The following ARMC9 variants were observed in gnomAD, a reference collection of about 807,000 sequenced individuals.
ARMC9 encodes the protein armadillo repeat containing 9, also known as lisH domain-containing protein ARMC9.
In ARMC9, 94 loss-of-function variants were observed where a neutral mutation model predicts 107.0. The observed-to-expected ratio is 0.88, with a 90% CI of 0.74 to 1.04. The LOEUF (loss-of-function observed/expected upper bound fraction) is 1.04, where lower values mean the gene tolerates loss of function less well. Ranked by LOEUF, ARMC9 falls within the 50% of genes least tolerant of loss-of-function variation. The pLI is 0.00. For missense variants in ARMC9, 942 were observed against 1,030.1 expected, an observed-to-expected ratio of 0.91 and a Z score of 1.17; for synonymous variants, 380 against 396.9, an observed-to-expected ratio of 0.96 and a Z score of 0.51.
intron 17 of ARMC9, chr2:231,288,773 G>C: frequency 2.1e-6 from 1 of 469,294 alleles, no homozygotes; most frequent in South Asian, 1.6e-5. Context: ...ACGCACCGTG[G>C]TTTGACTCCA....
Position 231,272,949 on chromosome 2 carries a change from T to A in ARMC9, c.1211-6T>A, listed in dbSNP as rs760921275. The A allele has an allele frequency of 6.2e-7, 1 of 1,611,664 alleles. No homozygotes were observed. The highest frequency in any genetic ancestry group is 1.3e-5 in the African/African-American group (1 of 74,848). On this transcript the variant is annotated splice_polypyrimidine_tract_variant and splice_region_variant and intron_variant, in intron 13 of 24. Transcript: ENST00000611582. ...TTCACCTGTTTCATCTCTGGTGTATTATCAGGTCGCCTCTACCTTGCCCAG... is the reference window on the plus strand; with the variant it reads ...TTCACCTGTTTCATCTCTGGTGTATAATCAGGTCGCCTCTACCTTGCCCAG...
intron 19 of ARMC9, among the ~76,000 whole-genome samples, chr2:231,307,942 A>G (rs1306579109): frequency 2.6e-5 from 4 of 152,254 alleles, no homozygotes; most frequent in Admixed American, 6.5e-5. Context: ...GCTGAGGAGC[A>G]GCAGGAGCCA....
At chr2:231,233,543 G>A (rs917091091) in intron 7 of ARMC9, among the ~76,000 whole-genome samples, 6 of 152,062 alleles carry the variant, frequency 3.9e-5, no homozygotes, top group Admixed American at 3.9e-4. Context: ...TTGGGGGGCC[G>A]AGGCAGGTGG....
chr2:231,356,313 C>T (rs1374756377), intron 22 of ARMC9, among the ~76,000 whole-genome samples: 1 of 152,024 alleles, frequency 6.6e-6, no homozygotes, highest in Non-Finnish European at 1.5e-5. Context: ...GAAGGCTGGA[C>T]GGAGGCAGAA....
rs78453237 is a variant in ARMC9, at chr2:231,326,025, C to T, written c.1774-5768C>T. On this transcript the variant is annotated intron_variant, in intron 19 of 24. Transcript: ENST00000611582. The stretch of plus-strand genomic sequence containing the variant: ...GGAGAGAGAGGGACGAGACCCTGAA[C>T]TTCAGATGCCACTATAGCCCTCCCT... 2.0e-3 allele frequency among the ~76,000 whole-genome samples: 310 copies of T among 152,286 alleles called. 1 individual carries two copies. Among genetic ancestry groups the T allele is most frequent in the African/African-American group, 6.9e-3 (288 of 41,562 alleles).
Position 231,216,724 on chromosome 2 carries a change from T to G in ARMC9, c.435T>G (p.Phe145Leu). 1 of 1,614,070 alleles carries G rather than the reference T, an allele frequency of 6.2e-7. No homozygotes were observed. Among genetic ancestry groups the G allele is most frequent in the East Asian group, 2.2e-5 (1 of 44,882 alleles). ...KGAALSQTTE[F>L]LPFYALPFVP... is the part of the protein sequence containing the mutation. The stretch of plus-strand genomic sequence containing the variant: ...CAGCCTTGAGCCAGACCACAGAGTT[T>G]CTTCCTTTCTATGCCCTTCCTTTTG... Residue 145 changes from phenylalanine (F) to leucine (L), a missense_variant, in exon 5 of 25, where the codon TTT becomes TTG. Transcript: ENST00000611582.
At chr2:231,240,242 A>C (rs1411464059) in intron 9 of ARMC9, 2 of 588,584 alleles carry the variant, frequency 3.4e-6, no homozygotes, top group Non-Finnish European at 6.0e-6. Flanking sequence ...AGGGAGGGTG[A>C]GGAGAGAGGC....
chr2:231,217,077 AC>A (rs1361111321), intron 5 of ARMC9, among the ~76,000 whole-genome samples: 1 of 152,188 alleles, frequency 6.6e-6, no homozygotes, highest in Admixed American at 6.5e-5. Context: ...ACTAGGAACA[AC>A]CCAATTGTAC....
chr2:231,348,132 G>T (rs778214920), intron 21 of ARMC9, among the ~76,000 whole-genome samples: 1 of 152,196 alleles, frequency 6.6e-6, no homozygotes, highest in Non-Finnish European at 1.5e-5. Context: ...TGGCAAAAAG[G>T]ACTTTGCTGA....
chr2:231,320,363 C>T (rs1047897788), intron 19 of ARMC9, among the ~76,000 whole-genome samples: 7 of 152,152 alleles, frequency 4.6e-5, no homozygotes, highest in South Asian at 2.1e-4. Flanking sequence ...TCACATGATG[C>T]CTTTTAAAAC....
intron 17 of ARMC9, among the ~76,000 whole-genome samples, chr2:231,282,498 G>T (rs767326326): frequency 8.5e-5 from 13 of 152,160 alleles, no homozygotes; most frequent in Non-Finnish European, 1.5e-4. Flanking sequence ...GTACGTTAAC[G>T]CTTGTATGTG....
chr2:231,331,322 T>C (rs901003137), intron 19 of ARMC9, among the ~76,000 whole-genome samples: 2 of 152,236 alleles, frequency 1.3e-5, no homozygotes, highest in Non-Finnish European at 2.9e-5. Flanking sequence ...CCACTGGGTC[T>C]TCCCAGAAGC....
intron 19 of ARMC9, among the ~76,000 whole-genome samples, chr2:231,303,270 G>A (rs2041864439): frequency 2.0e-5 from 3 of 152,236 alleles, no homozygotes; most frequent in Non-Finnish European, 4.4e-5. Flanking sequence ...AATTCCTTAG[G>A]ATTTTCTGTA....
intron 23 of ARMC9, among the ~76,000 whole-genome samples, chr2:231,366,285 A>G (rs1467313071): frequency 6.6e-6 from 1 of 152,212 alleles, no homozygotes; most frequent in African/African-American, 2.4e-5. Context: ...GATCTGCCTC[A>G]CTCAGAGTCC....
intron 19 of ARMC9, among the ~76,000 whole-genome samples, chr2:231,313,969 A>T (rs114749439): frequency 0.017 from 2,496 of 143,478 alleles, 69 homozygotes; most frequent in African/African-American, 0.062. Context: ...TATGTTGCCC[A>T]GGGTGGTCTT....
chr2:231,326,990 T>C (rs76388137), intron 19 of ARMC9, among the ~76,000 whole-genome samples: 4,674 of 152,208 alleles, frequency 0.031, 222 homozygotes, highest in African/African-American at 0.1. Flanking sequence ...CCCTGCACCC[T>C]TAGACCACTC....
At chr2:231,342,293 A>G (rs749155609) in intron 20 of ARMC9, among the ~76,000 whole-genome samples, 37 of 152,274 alleles carry the variant, frequency 2.4e-4, no homozygotes, top group Non-Finnish European at 5.0e-4. Context: ...TTCCCCATCC[A>G]CTGGAGAGGA....
intron 21 of ARMC9, among the ~76,000 whole-genome samples, chr2:231,348,102 T>G (rs1418248846): frequency 6.6e-6 from 1 of 152,176 alleles, no homozygotes; most frequent in Non-Finnish European, 1.5e-5. Context: ...CCCCACAACC[T>G]GTGACTAAAT....
At position 231,239,383 on chromosome 2, in the gene ARMC9, T is replaced by G. The variant is rs544700392; in HGVS notation, c.781-560T>G. Among the ~76,000 whole-genome samples, 9 of 152,294 alleles carry G rather than the reference T, an allele frequency of 5.9e-5. No individual in the cohort carries two copies. The East Asian group carries it at 1.7e-3, about 29-fold the overall frequency. ...AGCTCAGCCGCACGTTGTCGAGCAC[T>G]GGATAGTTGATTAAAAGCGTTTCCA... is the stretch of plus-strand genomic sequence containing the variant. On this transcript the variant is annotated intron_variant, in intron 8 of 24. Coordinates refer to ENST00000611582, the MANE Select transcript of ARMC9 (RefSeq NM_001352754.2).
Sources: gnomAD v4.1 joint callset for allele counts (sites outside exome capture counted in the v4.1 genomes callset) on GRCh38, gnomAD v4.1.1 for gene constraint, MANE v1.5 for transcripts, NCBI Gene and HGNC (gene_info 2026-07-23, HGNC 2026-07-21) for gene names.